The following TAF12 variants were observed in gnomAD, a reference collection of about 807,000 sequenced individuals.
The protein encoded by TAF12 is transcription initiation factor TFIID subunit 12.
In TAF12, 3 loss-of-function variants were observed where a neutral mutation model predicts 20.8. That is an observed-to-expected ratio of 0.14 (90% CI 0.07 to 0.37). The LOEUF (loss-of-function observed/expected upper bound fraction) is 0.37. TAF12 is among the 10% of genes least tolerant of loss of function. The pLI, the probability that TAF12 is intolerant of heterozygous loss-of-function variation, is 1.00. For synonymous variants in TAF12, 69 were observed against 70.2 expected (o/e 0.98, Z 0.09); for missense variants, 131 against 197.9 (o/e 0.66, Z 2.03).
intron 4 of TAF12, among the ~76,000 whole-genome samples, chr1:28,606,272 C>T (rs1342054644): frequency 2.6e-5 from 4 of 152,106 alleles, no homozygotes; most frequent in Non-Finnish European, 4.4e-5. Context: ...TCTAGGATTA[C>T]AGGCGTGAGA....
upstream of TAF12, among the ~76,000 whole-genome samples, chr1:28,647,887 TTG>T (rs1338313533): frequency 6.6e-6 from 1 of 151,540 alleles, no homozygotes; most frequent in Non-Finnish European, 1.5e-5. Flanking sequence ...AAAAAAAAAA[TTG>T]TGTTGATAAA....
At chr1:28,621,557 T>C (rs1048550972) in intron 2 of TAF12, among the ~76,000 whole-genome samples, 3 of 152,174 alleles carry the variant, frequency 2.0e-5, no homozygotes, top group African/African-American at 7.2e-5. Flanking sequence ...AGGCAAGGTA[T>C]TGTGTTAGTG....
chr1:28,610,983 A>C (rs34095979), intron 4 of TAF12, among the ~76,000 whole-genome samples: 7 of 92,264 alleles, frequency 7.6e-5, no homozygotes, highest in South Asian at 3.1e-4. Context: ...AAAAAAAAAA[A>C]CACAGGTGGA....
At chr1:28,641,353 C>T (rs894468005) in intron 1 of TAF12, among the ~76,000 whole-genome samples, 6 of 151,810 alleles carry the variant, frequency 4.0e-5, no homozygotes, top group Non-Finnish European at 8.8e-5. Context: ...CATTGTGGCA[C>T]ACACCTGTAA....
At chr1:28,626,965 C>T (rs1044966291) in intron 1 of TAF12, among the ~76,000 whole-genome samples, 1 of 152,120 alleles carries the variant, frequency 6.6e-6, no homozygotes, top group African/African-American at 2.4e-5. Context: ...GGCCTATCTA[C>T]ATAGTACCAA....
intron 1 of TAF12, among the ~76,000 whole-genome samples, chr1:28,640,232 C>A (rs1388679232): frequency 6.6e-6 from 1 of 152,190 alleles, no homozygotes; most frequent in Non-Finnish European, 1.5e-5. Flanking sequence ...GTTTTTCTAT[C>A]TTGAATAATC....
rs978186781 is a variant in TAF12 at position 28,605,305 on chromosome 1, T to G, written c.450+67A>C. 9 of 1,533,334 alleles carry G rather than the reference T, an allele frequency of 5.9e-6. No homozygotes were observed. The Admixed American group carries it at 1.5e-4, about 26-fold the overall frequency. The allele number at this position is 1,533,334 out of a possible 1,614,324, so 95.0% of individuals were successfully genotyped here. ...AGGCCCCCTAGAAGGTAGCTGTGTG[T>G]ATCCACTCTGAGACGTAACTCAAGG... On this transcript the variant is annotated intron_variant, in intron 5 of 5. Coordinates refer to ENST00000373824, the MANE Select transcript of TAF12 (RefSeq NM_005644.4).
chr1:28,614,922 T>G (rs1220392993), intron 3 of TAF12, among the ~76,000 whole-genome samples: 1 of 151,806 alleles, frequency 6.6e-6, no homozygotes, highest in Non-Finnish European at 1.5e-5. Flanking sequence ...CTGGGCAACA[T>G]GGATGGCAAA....
intron 1 of TAF12, among the ~76,000 whole-genome samples, chr1:28,623,270 C>T (rs1342907347): frequency 6.6e-6 from 1 of 151,846 alleles, no homozygotes; most frequent in East Asian, 1.9e-4. Flanking sequence ...GCCTGTAATC[C>T]CAGCACTTTG....
Position 28,621,737 on chromosome 1 carries a change from A to C in TAF12, c.168+177T>G, listed in dbSNP as rs1667226986. Among the ~76,000 whole-genome samples the C allele has an allele frequency of 2.0e-5, 3 of 152,214 alleles. No homozygotes were observed. In the South Asian group the frequency reaches 6.2e-4, roughly 32 times the overall value. On this transcript the variant is annotated intron_variant, in intron 2 of 5. Transcript: ENST00000373824. Reference sequence around the variant, plus strand: ...ATTGGGAGTCCTCAAATTTGGCCCAAATAAACTCTCTACTTATATTAAAAC... The same window carrying C: ...ATTGGGAGTCCTCAAATTTGGCCCACATAAACTCTCTACTTATATTAAAAC...
upstream of TAF12, chr1:28,648,080 G>T (rs1668244749): frequency 2.6e-6 from 2 of 763,694 alleles, no homozygotes; most frequent in Non-Finnish European, 3.2e-6. Flanking sequence ...GCGTGACCTT[G>T]TGACCTTGTG....
intron 1 of TAF12, among the ~76,000 whole-genome samples, chr1:28,631,821 T>C (rs753133350): frequency 1.3e-5 from 2 of 152,100 alleles, no homozygotes; most frequent in African/African-American, 2.4e-5. Context: ...ATAGCTAAAA[T>C]TTAAAAACAA....
At chr1:28,611,404 T>C (rs767917060) in intron 4 of TAF12, among the ~76,000 whole-genome samples, 4 of 152,138 alleles carry the variant, frequency 2.6e-5, no homozygotes, top group Non-Finnish European at 5.9e-5. Context: ...TGTTGCGGTC[T>C]TAACCTTAAG....
At chr1:28,637,870 G>A (rs149291239) in intron 1 of TAF12, among the ~76,000 whole-genome samples, 2 of 152,138 alleles carry the variant, frequency 1.3e-5, no homozygotes, top group East Asian at 1.9e-4. Flanking sequence ...GTATGTCTTC[G>A]CCAGGTGTCA....
At chr1:28,638,741 C>T (rs971750652) in intron 1 of TAF12, among the ~76,000 whole-genome samples, 2 of 151,596 alleles carry the variant, frequency 1.3e-5, no homozygotes, top group Non-Finnish European at 2.9e-5. Context: ...CCACATCAGC[C>T]TCCCAAAGTG....
chr1:28,617,061 G>A (rs945885563), intron 3 of TAF12, among the ~76,000 whole-genome samples: 4 of 151,948 alleles, frequency 2.6e-5, no homozygotes, highest in African/African-American at 4.8e-5. Flanking sequence ...CGGAGGTTGC[G>A]GTGAGCCAAG....
rs575890599 is a variant in TAF12, at chr1:28,605,341, G to A, written c.450+31C>T. The A allele has an allele frequency of 4.3e-6, 7 of 1,611,408 alleles. No individual in the cohort carries two copies. In the African/African-American group the frequency reaches 9.3e-5, roughly 21 times the overall value. The stretch of plus-strand genomic sequence containing the variant: ...AGACGTAACTCAAGGAATCAGCCCT[G>A]GCTGTCCCCAGGGCTCTGGCATTTC... On this transcript the variant is annotated intron_variant, in intron 5 of 5. Transcript: ENST00000373824.
At chr1:28,606,102 G>A (rs1185557620) in intron 4 of TAF12, among the ~76,000 whole-genome samples, 1 of 151,934 alleles carries the variant, frequency 6.6e-6, no homozygotes, top group Non-Finnish European at 1.5e-5. Flanking sequence ...GGGTTCAAGC[G>A]ATTCTCCTGC....
intron 1 of TAF12, among the ~76,000 whole-genome samples, chr1:28,638,150 G>GCCA (rs1667907071): frequency 6.6e-6 from 1 of 151,096 alleles, no homozygotes; most frequent in African/African-American, 2.4e-5. Context: ...ACAGGCGTCT[G>GCCA]CCACCACATC....
Sources: gnomAD v4.1 joint callset for allele counts (sites outside exome capture counted in the v4.1 genomes callset) on GRCh38, gnomAD v4.1.1 for gene constraint, MANE v1.5 for transcripts, NCBI Gene and HGNC (gene_info 2026-07-23, HGNC 2026-07-21) for gene names.